The following CEP164 variants were observed in gnomAD, a reference collection of about 807,000 sequenced individuals.
CEP164 encodes the protein centrosomal protein of 164 kDa.
CEP164 carries 162 observed loss-of-function variants against 182.7 expected under a neutral mutation model. The observed-to-expected ratio is 0.89, with a 90% CI of 0.78 to 1.01. CEP164 has a LOEUF of 1.01. CEP164 is among the 50% of genes least tolerant of loss of function. The pLI, the probability that CEP164 is intolerant of heterozygous loss-of-function variation, is 0.00. For missense variants in CEP164, 1,735 were observed against 1,790.4 expected (o/e 0.97, Z 0.56); for synonymous variants, 661 against 690.0 (o/e 0.96, Z 0.66).
chr11:117,409,803 C>G lies in CEP164; in HGVS notation c.3934C>G (p.Pro1312Ala). ...CCGGGACCCTAAGAGCACCCCCACCCCCACCTACTATGGCTCCCTGGCCAG... is the reference window on the plus strand; with the variant it reads ...CCGGGACCCTAAGAGCACCCCCACCGCCACCTACTATGGCTCCCTGGCCAG... Reference protein sequence around the residue: ...PPRDPKSTPTPTYYGSLARFS... With the variant: ...PPRDPKSTPTATYYGSLARFS... The change falls in exon 30 of 33, where the codon CCC (proline) becomes GCC (alanine). Residue 1312 changes from proline to alanine, a missense_variant. Transcript: ENST00000278935. This position sits in a 1 kb window ranked among gnomAD's most constrained non-coding sequence, Gnocchi z 4.4. 1 of 1,612,472 alleles carries G rather than the reference C, an allele frequency of 6.2e-7. No homozygotes were observed. Among genetic ancestry groups the G allele is most frequent in the Non-Finnish European group, 8.5e-7 (1 of 1,179,548 alleles).
At chr11:117,400,560 T>C (rs2046011900) in intron 27 of CEP164, among the ~76,000 whole-genome samples, 1 of 152,254 alleles carries the variant, frequency 6.6e-6, no homozygotes, top group South Asian at 2.1e-4. Context: ...GCATTGAATC[T>C]GTAAATTACT....
At chr11:117,360,876 A>C (rs1788068448) in intron 5 of CEP164, among the ~76,000 whole-genome samples, 1 of 151,702 alleles carries the variant, frequency 6.6e-6, no homozygotes. Flanking sequence ...ATCAACTGAG[A>C]ATTCTTCTGG....
intron 2 of CEP164, 65 bp from the exon 3 acceptor site, chr11:117,338,501 C>G: frequency 8.1e-7 from 1 of 1,238,830 alleles, no homozygotes; most frequent in Non-Finnish European, 1.2e-6. Flanking sequence ...GACCCAGTGC[C>G]AACTTTTCCC....
rs1253295301 is a variant in CEP164 at position 117,395,088 on chromosome 11, C to T, written c.2845-35C>T. 3.1e-6 allele frequency: 5 copies of T among 1,613,442 alleles called. No individual in the cohort carries two copies. In the Middle Eastern group the frequency reaches 4.9e-4, roughly 159 times the overall value. On this transcript the variant is annotated intron_variant, in intron 22 of 32. Coordinates refer to ENST00000278935, the MANE Select transcript of CEP164 (RefSeq NM_014956.5). ...CTCTGCCCCTCAGACCTGGGGTCTG[C>T]AGTCAGCCAGAAAATCCTGTCTCTT...
intron 15 of CEP164, among the ~76,000 whole-genome samples, chr11:117,388,056 A>G (rs560288446): frequency 6.6e-6 from 1 of 151,552 alleles, no homozygotes; most frequent in African/African-American, 2.4e-5. Context: ...GCATCCTCCA[A>G]CCCCCTAGCA....
At chr11:117,328,698 C>T (rs2134588465) in intron 1 of CEP164, among the ~76,000 whole-genome samples, 1 of 152,302 alleles carries the variant, frequency 6.6e-6, no homozygotes, top group African/African-American at 2.4e-5. Flanking sequence ...ATTTTTTTAT[C>T]TCAATGAAGG....
At chr11:117,396,427 C>G in intron 25 of CEP164, 123 bp from the exon 26 acceptor site, 1 of 871,970 alleles carries the variant, frequency 1.1e-6, no homozygotes, top group Non-Finnish European at 1.9e-6. Context: ...TATAAGTAAA[C>G]AGTGCCTGGC....
At chr11:117,365,069 C>A (rs1175372455) in intron 8 of CEP164, among the ~76,000 whole-genome samples, 1 of 152,192 alleles carries the variant, frequency 6.6e-6, no homozygotes, top group Non-Finnish European at 1.5e-5. Context: ...TCTCCACCAC[C>A]AGTAAGACCT....
intron 15 of CEP164, among the ~76,000 whole-genome samples, chr11:117,389,049 C>T (rs919457554): frequency 4.6e-5 from 7 of 152,028 alleles, no homozygotes; most frequent in African/African-American, 1.7e-4. Context: ...GGATTACAGG[C>T]GTGAGCCACT....
At chr11:117,336,651 C>T (rs550363053) in intron 2 of CEP164, 1 of 1,027,448 alleles carries the variant, frequency 9.7e-7, no homozygotes, top group Admixed American at 1.7e-5. Context: ...TGTCCTCCAG[C>T]CTTTCCACGG....
chr11:117,381,764 A>G lies in CEP164; in HGVS notation c.1473A>G (p.Glu491=), dbSNP rs749164905. The G allele has an allele frequency of 1.2e-6, 2 of 1,607,282 alleles. No individual in the cohort carries two copies. Among genetic ancestry groups the G allele is most frequent in the Admixed American group, 1.7e-5 (1 of 59,342 alleles). ...AQSPPRSLAT[E]EEPPQGPEGQ... ...GTCCCCCTCGCAGCCTGGCCACTGA[A>G]GAAGAGCCTCCCCAGGGCCCCGAGG... The change falls in exon 13 of 33, where the codon GAA becomes GAG. Residue 491 remains glutamate, a synonymous_variant. Transcript: ENST00000278935.
Position 117,394,629 on chromosome 11 carries a change from A to C in CEP164, c.2760+136A>C. Reference sequence around the variant, plus strand: ...TGAGAGTCTCTCACTGGCCATCTCCAAGCTGGGGCATCCTTGTTACTTTGT... The same window carrying C: ...TGAGAGTCTCTCACTGGCCATCTCCCAGCTGGGGCATCCTTGTTACTTTGT... On this transcript the variant is annotated intron_variant, in intron 21 of 32. Transcript: ENST00000278935. This position sits in a 1 kb window ranked among gnomAD's most constrained non-coding sequence, Gnocchi z 4.0. The C allele has an allele frequency of 8.3e-7, 1 of 1,202,088 alleles. No homozygotes were observed. Among genetic ancestry groups the C allele is most frequent in the Non-Finnish European group, 1.2e-6 (1 of 868,232 alleles). 74.5% of individuals were successfully genotyped at this position (1,202,088 alleles called of 1,614,324 possible).
At chr11:117,370,624 G>A (rs1489639662) in intron 8 of CEP164, among the ~76,000 whole-genome samples, 1 of 152,160 alleles carries the variant, frequency 6.6e-6, no homozygotes, top group Non-Finnish European at 1.5e-5. Context: ...TTAAAAAGCT[G>A]GGTGGGCTGG....
At chr11:117,354,006 T>TCTC (rs2039996981) in intron 5 of CEP164, among the ~76,000 whole-genome samples, 1 of 149,726 alleles carries the variant, frequency 6.7e-6, no homozygotes. Context: ...TTCTTCTCCT[T>TCTC]CTTCTTCTTC....
intron 27 of CEP164, among the ~76,000 whole-genome samples, chr11:117,398,541 C>T (rs2045767383): frequency 6.6e-6 from 1 of 152,224 alleles, no homozygotes; most frequent in Non-Finnish European, 1.5e-5. Context: ...GGGCCCCACC[C>T]CTGTAGCAGA....
At chr11:117,337,162 C>T (rs2037286963) in intron 2 of CEP164, among the ~76,000 whole-genome samples, 1 of 152,106 alleles carries the variant, frequency 6.6e-6, no homozygotes. Flanking sequence ...TCTCATAGTT[C>T]TGGAAGCTAG....
At chr11:117,396,262 T>G in intron 25 of CEP164, 82 bp downstream of exon 25, 1 of 1,474,112 alleles carries the variant, frequency 6.8e-7, no homozygotes, top group South Asian at 1.2e-5. Context: ...AGGGGAGTAC[T>G]TCCAGAGGGG....
At chr11:117,379,838 A>T (rs559398990) in intron 11 of CEP164, among the ~76,000 whole-genome samples, 1 of 150,518 alleles carries the variant, frequency 6.6e-6, no homozygotes, top group East Asian at 2.0e-4. Flanking sequence ...CCTTGCCTCA[A>T]AGAATAGTTC....
intron 2 of CEP164, chr11:117,336,607 G>T (rs1591981542): frequency 1.5e-6 from 2 of 1,373,816 alleles, no homozygotes; most frequent in Non-Finnish European, 2.1e-6. Flanking sequence ...TTTGGCCCTG[G>T]CTGTCTGGCA....
Sources: allele counts gnomAD v4.1 joint callset (sites outside exome capture counted in the v4.1 genomes callset), GRCh38; gene constraint gnomAD v4.1.1; non-coding constraint Gnocchi (gnomAD v3.1); transcripts MANE v1.5; gene names NCBI Gene and HGNC (gene_info 2026-07-23, HGNC 2026-07-21).